WDFY3: variants seen among roughly 807,000 people sequenced by gnomAD.
WDFY3 encodes WD repeat and FYVE domain containing 3.
In WDFY3, 66 loss-of-function variants were observed where a neutral mutation model predicts 409.6. The observed-to-expected ratio is 0.16, with a 90% CI of 0.13 to 0.20. WDFY3 has a LOEUF of 0.20. Among genes scored for constraint, WDFY3 ranks in the 10% least tolerant of loss-of-function variants. WDFY3 has a pLI of 1.00. For synonymous variants in WDFY3, 1,521 were observed against 1,537.1 expected, an observed-to-expected ratio of 0.99 and a Z score of 0.25; for missense variants, 3,031 against 4,298.1, an observed-to-expected ratio of 0.71 and a Z score of 8.24.
rs954339753 is a variant in WDFY3 at position 84,860,217 on chromosome 4, T to C, written c.180+195A>G. Among the ~76,000 whole-genome samples, 97 of 152,228 alleles carry C rather than the reference T, an allele frequency of 6.4e-4. 2 individuals carry two copies. Among genetic ancestry groups the C allele is most frequent in the Admixed American group, 5.0e-3 (77 of 15,278 alleles). ...TTAAAAATCAAAAAGTCTCACTAAA[T>C]GTAGTTTATTCTGACCAGGTTTCAC... On this transcript the variant is annotated intron_variant, in intron 4 of 67. Coordinates refer to ENST00000295888, the MANE Select transcript of WDFY3 (RefSeq NM_014991.6).
intron 54 of WDFY3, 120 bp downstream of exon 54, chr4:84,705,274 A>G (rs888272401): frequency 1.3e-6 from 1 of 750,974 alleles, no homozygotes; most frequent in Admixed American, 2.3e-5. Flanking sequence ...GTGGACATAT[A>G]ATACATATAG....
chr4:84,914,062 T>C (rs1312023274), intron 2 of WDFY3, among the ~76,000 whole-genome samples: 4 of 152,210 alleles, frequency 2.6e-5, no homozygotes, highest in Non-Finnish European at 5.9e-5. Context: ...TAAGAATACA[T>C]ATATTATGTG....
intron 32 of WDFY3, among the ~76,000 whole-genome samples, chr4:84,758,495 G>A (rs1038930426): frequency 1.1e-4 from 16 of 152,090 alleles, no homozygotes; most frequent in Non-Finnish European, 2.2e-4. Context: ...TGATGCTCCC[G>A]TCTTAGCCTC....
At chr4:84,946,218 T>G (rs1049174723) in intron 1 of WDFY3, among the ~76,000 whole-genome samples, 1 of 152,156 alleles carries the variant, frequency 6.6e-6, no homozygotes, top group Non-Finnish European at 1.5e-5. Flanking sequence ...AAATATGTAA[T>G]CTGAAGTGAA....
intron 2 of WDFY3, among the ~76,000 whole-genome samples, chr4:84,916,385 G>C (rs1415340370): frequency 2.0e-5 from 3 of 152,180 alleles, no homozygotes; most frequent in African/African-American, 7.2e-5. Flanking sequence ...ATGAGAAAAA[G>C]AAACCAAATG....
intron 64 of WDFY3, among the ~76,000 whole-genome samples, chr4:84,680,378 C>T (rs1026328099): frequency 1.3e-5 from 2 of 152,242 alleles, no homozygotes; most frequent in Non-Finnish European, 1.5e-5. Flanking sequence ...CAGCCTCAAC[C>T]TCCTGAGCCC....
At chr4:84,741,611 A>G (rs1043644506) in intron 38 of WDFY3, 150 bp downstream of exon 38, 11 of 936,322 alleles carry the variant, frequency 1.2e-5, no homozygotes, top group Non-Finnish European at 1.3e-5. Context: ...CACTGCGCCC[A>G]GCCTGTCTCT....
At chr4:84,766,061 A>G (rs1743578969) in intron 31 of WDFY3, 34 bp from the exon 32 acceptor site, 1 of 1,585,652 alleles carries the variant, frequency 6.3e-7, no homozygotes, top group African/African-American at 1.4e-5. Context: ...AAAACAAAAA[A>G]CAAAATTAAT....
At position 84,695,971 on chromosome 4, in the gene WDFY3, T is replaced by A; in HGVS notation, c.8900A>T (p.Gln2967Leu). The A allele has an allele frequency of 1.2e-6, 2 of 1,613,888 alleles. No homozygotes were observed. Among genetic ancestry groups the A allele is most frequent in the Non-Finnish European group, 1.7e-6 (2 of 1,179,868 alleles). Residue 2967 changes from glutamine (Q) to leucine (L), a missense_variant and splice_region_variant, in exon 58 of 68, where the codon CAG becomes CTG. Gln to Leu is a moderately radical substitution (Grantham distance 113). Around this residue, in one of 16 missense-constraint regions of WDFY3, gnomAD observed 129 missense variants for 305.3 expected, o/e 0.42. Transcript: ENST00000295888. ...FINNFGQIPK[Q>L]LFKKPHPPKR... ...ATGACAAGAAAAAAACATCCATACC[T>A]GTTTAGGGATCTGACCGAAGTTATT...
Position 84,737,192 on chromosome 4 carries a change from T to C in WDFY3, c.6749A>G (p.Asn2250Ser), listed in dbSNP as rs779731957. The C allele has an allele frequency of 6.2e-7, 1 of 1,614,158 alleles. No individual in the cohort carries two copies. Among genetic ancestry groups the C allele is most frequent in the South Asian group, 1.1e-5 (1 of 91,088 alleles). The change falls in exon 41 of 68, where the codon AAT (asparagine) becomes AGT (serine). Residue 2250 changes from asparagine (N) to serine (S), a missense_variant. Coordinates refer to ENST00000295888, the MANE Select transcript of WDFY3 (RefSeq NM_014991.6). ...IEEAALKCWQ[N>S]HLAHEKKCIS... ...ATCTCTGTAGGCCTTACCCAAATGA[T>C]TCTGCCAGCACTTCAGGGCAGCTTC...
chr4:84,769,356 T>C (rs1744223541), intron 30 of WDFY3, among the ~76,000 whole-genome samples: 1 of 152,200 alleles, frequency 6.6e-6, no homozygotes, highest in East Asian at 1.9e-4. Context: ...AGAAAACTTT[T>C]GTGAAAGGAA....
intron 5 of WDFY3, among the ~76,000 whole-genome samples, chr4:84,841,544 T>G (rs190705563): frequency 6.6e-6 from 1 of 152,092 alleles, no homozygotes; most frequent in African/African-American, 2.4e-5. Flanking sequence ...TAAAACTACC[T>G]GGAAAACAAG....
intron 54 of WDFY3, 74 bp from the exon 55 acceptor site, chr4:84,704,518 C>T (rs1731594366): frequency 8.4e-7 from 1 of 1,190,718 alleles, no homozygotes; most frequent in South Asian, 1.4e-5. Flanking sequence ...TTAATTTATG[C>T]TTGAAAATGC....
intron 26 of WDFY3, 68 bp downstream of exon 26, chr4:84,780,040 A>T: frequency 7.0e-7 from 1 of 1,436,588 alleles, no homozygotes; most frequent in Non-Finnish European, 9.3e-7. Context: ...AACAACATGA[A>T]TGATAATAAA....
In WDFY3 at chr4:84,669,730, A is replaced by G. The variant is rs1725187545; in HGVS notation, c.*3138T>C. 6.7e-6 allele frequency: 1 copy of G among 149,678 alleles called. No individual in the cohort carries two copies. The highest frequency in any genetic ancestry group is 2.5e-5 in the African/African-American group (1 of 40,390). 9.3% of individuals were successfully genotyped at this position (149,678 alleles called of 1,614,324 possible). A position where few individuals can be genotyped will look rare whatever the true frequency, so the allele number is the denominator to read the frequency against. On this transcript the variant is annotated 3_prime_UTR_variant, in exon 68 of 68. Coordinates refer to ENST00000295888, the MANE Select transcript of WDFY3 (RefSeq NM_014991.6). ...TAGTAATTCTTCAGGTCTTTTACAT[A>G]ACCACCAAGAAACAGATATTGGTTT...
intron 63 of WDFY3, 68 bp from the exon 64 acceptor site, chr4:84,682,538 A>C: frequency 8.3e-7 from 1 of 1,208,500 alleles, no homozygotes; most frequent in Non-Finnish European, 1.2e-6. Flanking sequence ...TACATTACTC[A>C]ATGAAGAGAG....
At chr4:84,885,327 CAT>C (rs1343929939) in intron 3 of WDFY3, among the ~76,000 whole-genome samples, 7 of 83,724 alleles carry the variant, frequency 8.4e-5, no homozygotes, top group South Asian at 1.0e-3. Context: ...CATACATATA[CAT>C]ATGTGTGTGT....
chr4:84,944,798 A>C (rs1251354647), intron 1 of WDFY3, among the ~76,000 whole-genome samples: 2 of 152,162 alleles, frequency 1.3e-5, no homozygotes, highest in Non-Finnish European at 2.9e-5. Context: ...TCTCAAAAAA[A>C]TAAATAAAAA....
rs867187870 is a variant in WDFY3, at chr4:84,896,898, C to T, written c.-32+13G>A. The stretch of plus-strand genomic sequence containing the variant: ...AAAACAAAAACCCACAATTTTTCTT[C>T]CCAGAGACTGACCTTTAGGGAATTC... On this transcript the variant is annotated intron_variant, in intron 3 of 67. Transcript: ENST00000295888. The T allele has an allele frequency of 1.4e-4, 21 of 152,166 alleles. No homozygotes were observed. The highest frequency in any genetic ancestry group is 4.1e-4 in the African/African-American group (17 of 41,434). The allele number at this position is 152,166 out of a possible 1,614,324, so 9.4% of individuals were successfully genotyped here.
Sources: gnomAD v4.1 joint callset for allele counts (sites outside exome capture counted in the v4.1 genomes callset) on GRCh38, gnomAD v4.1.1 for gene constraint, gnomAD v4.1.1 regional missense constraint, MANE v1.5 for transcripts, NCBI Gene and HGNC (gene_info 2026-07-23, HGNC 2026-07-21) for gene names.